Variants in ITGA9 observed in about 807,000 individuals in gnomAD.
ITGA9 encodes integrin subunit alpha 9.
In ITGA9, 56 loss-of-function variants were observed where a neutral mutation model predicts 127.8. That is an observed-to-expected ratio of 0.44 (90% CI 0.35 to 0.55). The LOEUF is 0.55. Among genes scored for constraint, ITGA9 ranks in the 20% least tolerant of loss-of-function variants. ITGA9 has a pLI of 0.00. For synonymous variants in ITGA9, 508 were observed against 514.5 expected, an observed-to-expected ratio of 0.99 and a Z score of 0.17; for missense variants, 1,196 against 1,347.1, an observed-to-expected ratio of 0.89 and a Z score of 1.76.
At chr3:37,706,342 G>T (rs549761618) in intron 18 of ITGA9, among the ~76,000 whole-genome samples, 38 of 152,266 alleles carry the variant, frequency 2.5e-4, no homozygotes, top group African/African-American at 9.1e-4. Context: ...GCTCTTTTCA[G>T]TCCATTGTTT....
chr3:37,558,322 G>T (rs1378258043), intron 15 of ITGA9, among the ~76,000 whole-genome samples: 3 of 152,128 alleles, frequency 2.0e-5, no homozygotes, highest in Non-Finnish European at 2.9e-5. Context: ...TACCTGTTGG[G>T]TACACAGCTC....
intron 17 of ITGA9, among the ~76,000 whole-genome samples, chr3:37,665,779 C>CTTTCT (rs1427101389): frequency 6.6e-6 from 1 of 152,160 alleles, no homozygotes; most frequent in Non-Finnish European, 1.5e-5. Flanking sequence ...TAGGAGGGGG[C>CTTTCT]AGCAGATGCC....
chr3:37,641,241 C>T (rs1264012969), intron 16 of ITGA9, among the ~76,000 whole-genome samples: 1 of 152,176 alleles, frequency 6.6e-6, no homozygotes, highest in Non-Finnish European at 1.5e-5. Flanking sequence ...TAGATTCTCA[C>T]AGGAACATGA....
chr3:37,452,311 C>A lies in ITGA9; in HGVS notation c.-64C>A. The A allele has an allele frequency of 1.1e-6, 1 of 941,432 alleles. No individual in the cohort carries two copies. Among genetic ancestry groups the A allele is most frequent in the Non-Finnish European group, 1.3e-6 (1 of 785,782 alleles). The allele number at this position is 941,432 out of a possible 1,614,324, so 58.3% of individuals were successfully genotyped here. On this transcript the variant is annotated 5_prime_UTR_variant, in exon 1 of 28. Transcript: ENST00000264741. The surrounding 1 kb of genome is among the most constrained non-coding windows in gnomAD (Gnocchi z 7.3). ...GGGAGCTTCCTGGCCGTCGGCGGGC[C>A]CCGCGGCCCGCGCGCTCGGCGCCCT...
chr3:37,505,888 T>A (rs1315079315), intron 6 of ITGA9, 112 bp from the exon 7 acceptor site: 13 of 809,076 alleles, frequency 1.6e-5, no homozygotes, highest in Non-Finnish European at 2.5e-5. Flanking sequence ...CCTGGTAGTT[T>A]ATGTTCCAAG....
At position 37,777,437 on chromosome 3, in the gene ITGA9, C is replaced by A. The variant is rs1412468459; in HGVS notation, c.2587C>A (p.Pro863Thr). Reference sequence around the variant, plus strand: ...CTGCTCTTTCCAGAAAAACCCAACTCCCTGCATCATCCCTCAAGAACAAGA... The same window carrying A: ...CTGCTCTTTCCAGAAAAACCCAACTACCTGCATCATCCCTCAAGAACAAGA... The part of the protein sequence containing the change: ...GNCSFQKNPT[P>T]CIIPQEQENI... Residue 863 changes from proline to threonine, a missense_variant, in exon 24 of 28, where the codon CCC (proline) becomes ACC (threonine). Coordinates refer to ENST00000264741, the MANE Select transcript of ITGA9 (RefSeq NM_002207.3). 1 of 1,614,128 alleles carries A rather than the reference C, an allele frequency of 6.2e-7. No homozygotes were observed. The highest frequency in any genetic ancestry group is 1.1e-5 in the South Asian group (1 of 91,080).
At chr3:37,536,367 T>A (rs1699208283) in intron 14 of ITGA9, among the ~76,000 whole-genome samples, 1 of 152,256 alleles carries the variant, frequency 6.6e-6, no homozygotes, top group South Asian at 2.1e-4. Context: ...TATCTTGGGC[T>A]GAGTTTGTTA....
intron 22 of ITGA9, chr3:37,748,280 AC>A: frequency 1.9e-6 from 1 of 518,594 alleles, no homozygotes; most frequent in Non-Finnish European, 3.7e-6. Context: ...CGCAAGTATT[AC>A]CATGGCTAAA....
chr3:37,463,823 C>A (rs150074034), intron 1 of ITGA9, among the ~76,000 whole-genome samples: 4 of 152,014 alleles, frequency 2.6e-5, no homozygotes, highest in Non-Finnish European at 5.9e-5. Flanking sequence ...TCCTGCCCAG[C>A]GCACCAGAAA....
chr3:37,706,810 A>G (rs1197433748), intron 18 of ITGA9, among the ~76,000 whole-genome samples: 1 of 152,226 alleles, frequency 6.6e-6, no homozygotes. Flanking sequence ...AGAACAGTTC[A>G]ACCTGTAATT....
chr3:37,575,255 G>A (rs969665514), intron 15 of ITGA9, among the ~76,000 whole-genome samples: 1 of 152,166 alleles, frequency 6.6e-6, no homozygotes, highest in Admixed American at 6.5e-5. Flanking sequence ...GGGGTCTGCA[G>A]AGTGCCGCAA....
intron 27 of ITGA9, among the ~76,000 whole-genome samples, chr3:37,811,660 C>T (rs1697370215): frequency 6.6e-6 from 1 of 152,184 alleles, no homozygotes. Context: ...AGACCATATC[C>T]TCCCTCACTG....
At chr3:37,507,413 A>G (rs915396376) in intron 7 of ITGA9, among the ~76,000 whole-genome samples, 3 of 152,106 alleles carry the variant, frequency 2.0e-5, no homozygotes, top group Non-Finnish European at 4.4e-5. Flanking sequence ...TTTTCTCCCT[A>G]ATTGCAGAAA....
chr3:37,648,168 C>T (rs542131517), intron 16 of ITGA9, among the ~76,000 whole-genome samples: 163 of 152,226 alleles, frequency 1.1e-3, no homozygotes, highest in African/African-American at 3.5e-3. Context: ...CCCTTTTCTC[C>T]ATGCCCTCAC....
At chr3:37,793,360 C>T (rs1455926331) in intron 26 of ITGA9, among the ~76,000 whole-genome samples, 1 of 150,386 alleles carries the variant, frequency 6.6e-6, no homozygotes, top group African/African-American at 2.5e-5. Context: ...AATTTTTACC[C>T]TCAAGACTTC....
chr3:37,746,288 T>C (rs760372884), intron 22 of ITGA9, among the ~76,000 whole-genome samples: 1 of 152,230 alleles, frequency 6.6e-6, no homozygotes, highest in Non-Finnish European at 1.5e-5. Flanking sequence ...TACATAATTG[T>C]TTAAAGGCTC....
chr3:37,746,414 G>A (rs935945734), intron 22 of ITGA9, among the ~76,000 whole-genome samples: 8 of 152,022 alleles, frequency 5.3e-5, no homozygotes, highest in Non-Finnish European at 1.2e-4. Context: ...GGCTTTTTTG[G>A]CATCAAAATT....
chr3:37,737,673 G>T (rs565988722), intron 20 of ITGA9, among the ~76,000 whole-genome samples: 8 of 152,166 alleles, frequency 5.3e-5, no homozygotes, highest in Non-Finnish European at 1.2e-4. Context: ...AGCTCCAGTG[G>T]AGGGAGGGGC....
intron 18 of ITGA9, among the ~76,000 whole-genome samples, chr3:37,692,303 A>G (rs1235957088): frequency 1.3e-5 from 2 of 152,148 alleles, no homozygotes; most frequent in African/African-American, 4.8e-5. Flanking sequence ...GGAAGAGGAA[A>G]ATAAGGCAAG....
Sources: gnomAD v4.1 joint callset for allele counts (sites outside exome capture counted in the v4.1 genomes callset) on GRCh38, gnomAD v4.1.1 for gene constraint, Gnocchi (gnomAD v3.1) non-coding constraint, MANE v1.5 for transcripts, NCBI Gene and HGNC (gene_info 2026-07-23, HGNC 2026-07-21) for gene names.